The following DPP8 variants were observed in gnomAD, a reference collection of about 807,000 sequenced individuals.
The protein encoded by DPP8 is DPP VIII.
DPP8 carries 31 observed loss-of-function variants against 107.5 expected under a neutral mutation model. The observed-to-expected ratio is 0.29, with a 90% CI of 0.22 to 0.39. The LOEUF is 0.39. Ranked by LOEUF, DPP8 falls within the 10% of genes least tolerant of loss-of-function variation. The pLI, the probability that DPP8 is intolerant of heterozygous loss-of-function variation, is 1.00. For missense variants in DPP8, 842 were observed against 1,076.1 expected, an observed-to-expected ratio of 0.78 and a Z score of 3.04; for synonymous variants, 381 against 356.6, an observed-to-expected ratio of 1.07 and a Z score of -0.77.
At chr15:65,486,388 CA>C (rs1236055821) in intron 7 of DPP8, among the ~76,000 whole-genome samples, 26 of 133,736 alleles carry the variant, frequency 1.9e-4, no homozygotes, top group Non-Finnish European at 1.8e-4. Flanking sequence ...GGTGACAGAG[CA>C]AAAAAAAAAA....
intron 5 of DPP8, among the ~76,000 whole-genome samples, chr15:65,493,910 T>C (rs773912482): frequency 2.3e-4 from 35 of 152,066 alleles, no homozygotes; most frequent in Non-Finnish European, 4.4e-4. Context: ...CTGATGACAT[T>C]AACTCCCTAC....
chr15:65,443,286 G>A lies in DPP8; in HGVS notation c.*3598C>T, dbSNP rs2063362827. ...CAACTGGATACTAACTGGCTGTGTG[G>A]TCGTGGGTATATTTCCTCCTCTCTC... On this transcript the variant is annotated 3_prime_UTR_variant, in exon 20 of 20. Transcript: ENST00000300141. 6.6e-6 allele frequency: 1 copy of A among 152,182 alleles called. No individual in the cohort carries two copies. Among genetic ancestry groups the A allele is most frequent in the Non-Finnish European group, 1.5e-5 (1 of 68,038 alleles). 9.4% of individuals were successfully genotyped at this position (152,182 alleles called of 1,614,324 possible).
chr15:65,480,474 TGGC>T, intron 9 of DPP8, 75 bp from the exon 10 acceptor site: 1 of 1,053,228 alleles, frequency 9.5e-7, no homozygotes. Context: ...TTATCTCCTT[TGGC>T]ACCTATCAAT....
chr15:65,480,485 A>C, intron 9 of DPP8, 86 bp from the exon 10 acceptor site: 1 of 887,642 alleles, frequency 1.1e-6, no homozygotes, highest in Non-Finnish European at 1.7e-6. Flanking sequence ...GGCACCTATC[A>C]ATTATATCTG....
chr15:65,469,925 G>A (rs1325948257), intron 12 of DPP8, among the ~76,000 whole-genome samples: 2 of 151,968 alleles, frequency 1.3e-5, no homozygotes, highest in Non-Finnish European at 2.9e-5. Context: ...GGCCAGGTGT[G>A]GTGGCTCACA....
chr15:65,500,569 C>A, intron 4 of DPP8, 37 bp downstream of exon 4: 1 of 1,585,200 alleles, frequency 6.3e-7, no homozygotes, highest in African/African-American at 1.3e-5. Context: ...ACCTTTTGGA[C>A]CCAAACCAGA....
intron 15 of DPP8, chr15:65,459,055 C>CGGG (rs60869091): frequency 2.0e-5 from 3 of 147,640 alleles, no homozygotes; most frequent in African/African-American, 5.0e-5. Context: ...AAAAAAAAGG[C>CGGG]GGGGGGGGTC....
chr15:65,460,113 A>T (rs892285596), intron 15 of DPP8, among the ~76,000 whole-genome samples: 4 of 152,092 alleles, frequency 2.6e-5, no homozygotes, highest in Non-Finnish European at 5.9e-5. Context: ...CATTTCCAGA[A>T]CTTTTTCATC....
chr15:65,456,412 T>C, intron 15 of DPP8, 41 bp from the exon 16 acceptor site: 2 of 1,575,590 alleles, frequency 1.3e-6, no homozygotes, highest in Non-Finnish European at 1.7e-6. Context: ...TATGGAAGCA[T>C]ATAAAAACCC....
chr15:65,492,857 C>T (rs1163763926), intron 5 of DPP8, among the ~76,000 whole-genome samples: 3 of 152,120 alleles, frequency 2.0e-5, no homozygotes, highest in East Asian at 1.9e-4. Context: ...CTTGGCCCCC[C>T]AAAGTGCTAG....
intron 11 of DPP8, among the ~76,000 whole-genome samples, chr15:65,477,670 C>T (rs1358901642): frequency 6.6e-6 from 1 of 151,468 alleles, no homozygotes; most frequent in Non-Finnish European, 1.5e-5. Flanking sequence ...GCTGGGACTA[C>T]AGGCGCCCAC....
intron 14 of DPP8, among the ~76,000 whole-genome samples, chr15:65,465,285 A>T (rs1178838056): frequency 6.7e-6 from 1 of 149,150 alleles, no homozygotes; most frequent in Non-Finnish European, 1.5e-5. Context: ...CTCCTGCCTC[A>T]GCCTCCTGAG....
chr15:65,473,437 A>G (rs2066099430), intron 12 of DPP8, among the ~76,000 whole-genome samples: 1 of 152,122 alleles, frequency 6.6e-6, no homozygotes, highest in Admixed American at 6.5e-5. Context: ...CAAGTAGTAG[A>G]TAGTTAGGTG....
intron 11 of DPP8, among the ~76,000 whole-genome samples, chr15:65,476,292 C>T (rs1358841832): frequency 6.6e-6 from 1 of 151,984 alleles, no homozygotes; most frequent in Non-Finnish European, 1.5e-5. Context: ...CAATTTAGTA[C>T]TTTAAATACT....
intron 11 of DPP8, among the ~76,000 whole-genome samples, chr15:65,478,425 C>G (rs1209035459): frequency 5.3e-5 from 8 of 152,046 alleles, no homozygotes; most frequent in Non-Finnish European, 1.0e-4. Context: ...ACGCCCGGAT[C>G]ATTTTTGTAT....
In DPP8 at chr15:65,463,858, G is replaced by T. The variant is rs142999124; in HGVS notation, c.1874C>A (p.Thr625Asn). Residue 625 changes from threonine (T) to asparagine (N), a missense_variant, in exon 15 of 20, where the codon ACT (threonine) becomes AAT (asparagine). Coordinates refer to ENST00000300141, the MANE Select transcript of DPP8 (RefSeq NM_130434.5). Reference protein sequence around the residue: ...TPPEIFSFESTTGFTLYGMLY... With the variant: ...TPPEIFSFESNTGFTLYGMLY... ...CATCCCATACAATGTAAATCCAGTA[G>T]TACTTTCAAAAGAGAAAATTTCTGG... 1.3e-3 allele frequency: 2,131 copies of T among 1,598,238 alleles called. 11 individuals are homozygous for T. The highest frequency in any genetic ancestry group is 9.4e-3 in the Middle Eastern group (56 of 5,974).
intron 8 of DPP8, 32 bp downstream of exon 8, chr15:65,485,067 C>T (rs775580751): frequency 3.3e-5 from 51 of 1,542,628 alleles, no homozygotes; most frequent in African/African-American, 4.1e-5. Flanking sequence ...AGTCAAATGA[C>T]GCAGAAGGTC....
At chr15:65,489,436 C>CA (rs1345704786) in intron 6 of DPP8, among the ~76,000 whole-genome samples, 1 of 15,382 alleles carries the variant, frequency 6.5e-5, no homozygotes, top group Non-Finnish European at 1.4e-4. Flanking sequence ...TTTTTTGAGA[C>CA]AGAGTCTCGC....
chr15:65,452,153 C>A, intron 17 of DPP8, 51 bp from the exon 18 acceptor site: 1 of 1,558,712 alleles, frequency 6.4e-7, no homozygotes, highest in Non-Finnish European at 8.7e-7. Context: ...AAGAGAGTGG[C>A]TAGCAGTGAG....
Sources: gnomAD v4.1 joint callset for allele counts (sites outside exome capture counted in the v4.1 genomes callset) on GRCh38, gnomAD v4.1.1 for gene constraint, MANE v1.5 for transcripts, NCBI Gene and HGNC (gene_info 2026-07-23, HGNC 2026-07-21) for gene names.